The following ATF6 variants were observed in gnomAD, a reference collection of about 807,000 sequenced individuals.
ATF6 encodes activating transcription factor 6.
Under a neutral mutation model 83.6 loss-of-function variants are expected in ATF6, and 53 were observed. That is an observed-to-expected ratio of 0.63 (90% CI 0.51 to 0.80). The LOEUF is 0.80. Ranked by LOEUF, ATF6 falls within the 30% of genes least tolerant of loss-of-function variation. The pLI is 0.00. For missense variants in ATF6, 744 were observed against 797.9 expected, an observed-to-expected ratio of 0.93 and a Z score of 0.81; for synonymous variants, 288 against 285.8, an observed-to-expected ratio of 1.01 and a Z score of -0.08.
At chr1:161,870,466 A>G (rs1687099484) in intron 14 of ATF6, among the ~76,000 whole-genome samples, 3 of 151,774 alleles carry the variant, frequency 2.0e-5, no homozygotes, top group Non-Finnish European at 3.0e-5. Flanking sequence ...GCAAAAACAG[A>G]AGCTGTTTTA....
chr1:161,919,647 C>T (rs998607789), intron 15 of ATF6, among the ~76,000 whole-genome samples: 1 of 152,124 alleles, frequency 6.6e-6, no homozygotes, highest in South Asian at 2.1e-4. Context: ...TTTGTTTTTA[C>T]TGTTTCCCTT....
rs1443146547 is a variant in ATF6, at chr1:161,959,755, G to A, written c.*1101G>A. ...AAGCCACAACTATTGTTTATTTTGG[G>A]GACTCTAGGCCACCAAGTATTAGCA... On this transcript the variant is annotated 3_prime_UTR_variant, in exon 16 of 16. Coordinates refer to ENST00000367942, the MANE Select transcript of ATF6 (RefSeq NM_007348.4). 6.6e-6 allele frequency: 1 copy of A among 151,674 alleles called. No homozygotes were observed. The highest frequency in any genetic ancestry group is 1.5e-5 in the Non-Finnish European group (1 of 67,972). 9.4% of individuals were successfully genotyped at this position (151,674 alleles called of 1,614,324 possible). A position where few individuals can be genotyped will look rare whatever the true frequency, so the allele number is the denominator to read the frequency against.
At chr1:161,785,202 T>C (rs1035505209) in intron 4 of ATF6, among the ~76,000 whole-genome samples, 3 of 152,198 alleles carry the variant, frequency 2.0e-5, no homozygotes, top group African/African-American at 7.2e-5. Flanking sequence ...AGCAGTGAGA[T>C]TGCTGCTGTT....
intron 11 of ATF6, among the ~76,000 whole-genome samples, chr1:161,852,785 T>A (rs1014957975): frequency 6.6e-6 from 1 of 151,994 alleles, no homozygotes; most frequent in Admixed American, 6.6e-5. Flanking sequence ...GTTAATTTTT[T>A]AAAAAAATTT....
intron 14 of ATF6, among the ~76,000 whole-genome samples, chr1:161,893,493 C>G (rs1003369374): frequency 2.0e-5 from 3 of 152,166 alleles, no homozygotes; most frequent in African/African-American, 7.2e-5. Flanking sequence ...AAAGTAAACT[C>G]CTGAAAAATG....
At chr1:161,951,921 A>T (rs115276562) in intron 15 of ATF6, among the ~76,000 whole-genome samples, 1 of 152,126 alleles carries the variant, frequency 6.6e-6, no homozygotes, top group Non-Finnish European at 1.5e-5. Flanking sequence ...TCTAATTTGG[A>T]TACAGAATCT....
intron 15 of ATF6, among the ~76,000 whole-genome samples, chr1:161,945,428 G>T (rs1457087433): frequency 6.6e-6 from 1 of 152,042 alleles, no homozygotes; most frequent in Non-Finnish European, 1.5e-5. Flanking sequence ...TAATTTCTTT[G>T]TTTGGACAGA....
Position 161,959,620 on chromosome 1 carries a change from A to G in ATF6, c.*966A>G, listed in dbSNP as rs1485128026. 1 of 148,330 alleles carries G rather than the reference A, an allele frequency of 6.7e-6. No individual in the cohort carries two copies. The highest frequency in any genetic ancestry group is 2.5e-5 in the African/African-American group (1 of 40,048). 9.2% of individuals were successfully genotyped at this position (148,330 alleles called of 1,614,324 possible). ...GGGAGGCGGAGCTTGCAGTGAGCCG[A>G]GATCCCGCCACTGCACTCCAGCCTG... On this transcript the variant is annotated 3_prime_UTR_variant, in exon 16 of 16. Transcript: ENST00000367942.
intron 14 of ATF6, among the ~76,000 whole-genome samples, chr1:161,879,250 A>G (rs577308535): frequency 2.0e-5 from 3 of 152,274 alleles, no homozygotes; most frequent in African/African-American, 7.2e-5. Flanking sequence ...GAGGAGGTGT[A>G]GAAGATTTAA....
At chr1:161,802,366 T>C in intron 7 of ATF6, 94 bp downstream of exon 7, 1 of 1,095,156 alleles carries the variant, frequency 9.1e-7, no homozygotes, top group Admixed American at 2.3e-5. Context: ...TTGTTTTTTT[T>C]AGAGTTTCTT....
At chr1:161,881,919 G>A (rs1687333146) in intron 14 of ATF6, among the ~76,000 whole-genome samples, 2 of 151,812 alleles carry the variant, frequency 1.3e-5, no homozygotes, top group South Asian at 4.2e-4. Context: ...TTTACATTTA[G>A]GTGTATGATC....
intron 14 of ATF6, among the ~76,000 whole-genome samples, chr1:161,908,734 TTC>T (rs1687926375): frequency 6.6e-6 from 1 of 152,204 alleles, no homozygotes; most frequent in African/African-American, 2.4e-5. Flanking sequence ...CGAAATATAT[TTC>T]TTTCTATGGC....
Position 161,791,617 on chromosome 1 carries a change from T to C in ATF6, c.484+80T>C. ...CCATTTCTTAAAAGAAAATGCTGGA[T>C]TAAATTTATGTTTATTAGGCTGGCT... On this transcript the variant is annotated intron_variant, in intron 5 of 15. Transcript: ENST00000367942. The C allele has an allele frequency of 2.7e-6, 4 of 1,459,506 alleles. No homozygotes were observed. In the East Asian group the frequency reaches 9.6e-5, roughly 35 times the overall value. The allele number at this position is 1,459,506 out of a possible 1,614,324, so 90.4% of individuals were successfully genotyped here. A position where few individuals can be genotyped will look rare whatever the true frequency, so the allele number is the denominator to read the frequency against.
intron 9 of ATF6, among the ~76,000 whole-genome samples, chr1:161,828,737 A>T (rs148907504): frequency 2.1e-4 from 32 of 152,284 alleles, no homozygotes; most frequent in African/African-American, 7.2e-4. Flanking sequence ...AATTTATACT[A>T]CTAGTGTGAT....
intron 9 of ATF6, among the ~76,000 whole-genome samples, chr1:161,828,854 T>A (rs1685971318): frequency 6.6e-6 from 1 of 152,080 alleles, no homozygotes; most frequent in African/African-American, 2.4e-5. Context: ...AGACACTTTA[T>A]AAAAGAAAGT....
At chr1:161,927,305 C>T (rs527588849) in intron 15 of ATF6, among the ~76,000 whole-genome samples, 6 of 152,188 alleles carry the variant, frequency 3.9e-5, no homozygotes, top group African/African-American at 7.2e-5. Flanking sequence ...AATTTGTTTA[C>T]GATACCAAGA....
Position 161,959,600 on chromosome 1 carries a change from G to A in ATF6, c.*946G>A, listed in dbSNP as rs1689048746. 6.6e-6 allele frequency: 1 copy of A among 150,924 alleles called. No individual in the cohort carries two copies. Among genetic ancestry groups the A allele is most frequent in the Admixed American group, 6.6e-5 (1 of 15,172 alleles). The allele number at this position is 150,924 out of a possible 1,614,324, so 9.3% of individuals were successfully genotyped here. ...CAGGAGAATGGCGTGAACCCGGGAG[G>A]CGGAGCTTGCAGTGAGCCGAGATCC... On this transcript the variant is annotated 3_prime_UTR_variant, in exon 16 of 16. Transcript: ENST00000367942.
chr1:161,845,612 A>T (rs911077816), intron 9 of ATF6, among the ~76,000 whole-genome samples: 1 of 151,682 alleles, frequency 6.6e-6, no homozygotes, highest in Admixed American at 6.6e-5. Context: ...TACTAAAATT[A>T]AAAAAAATAA....
intron 12 of ATF6, among the ~76,000 whole-genome samples, chr1:161,854,032 C>G (rs943355251): frequency 2.0e-5 from 3 of 152,100 alleles, no homozygotes; most frequent in Admixed American, 1.3e-4. Flanking sequence ...CACAAATACA[C>G]TGAAAATTAG....
Sources: gnomAD v4.1 joint callset for allele counts (sites outside exome capture counted in the v4.1 genomes callset) on GRCh38, gnomAD v4.1.1 for gene constraint, MANE v1.5 for transcripts, NCBI Gene and HGNC (gene_info 2026-07-23, HGNC 2026-07-21) for gene names.